Variants in PCDHGA3 observed in about 807,000 individuals in gnomAD.
PCDHGA3 encodes the protein protocadherin gamma subfamily A, 3, also known as protocadherin gamma-A3.
Under a neutral mutation model 58.5 loss-of-function variants are expected in PCDHGA3, and 40 were observed. The ratio of observed to expected loss-of-function variants is 0.68; its 90% CI spans 0.53 to 0.89. PCDHGA3 has a LOEUF of 0.89. Among genes scored for constraint, PCDHGA3 ranks in the 40% least tolerant of loss-of-function variants. The pLI is 0.00. For missense variants in PCDHGA3, 1,223 were observed against 1,195.9 expected (o/e 1.02, Z -0.33); for synonymous variants, 530 against 525.7 (o/e 1.01, Z -0.11).
Position 141,346,129 on chromosome 5 carries a change from C to T in PCDHGA3, c.2096C>T (p.Ala699Val). 6.2e-7 allele frequency: 1 copy of T among 1,613,938 alleles called. No homozygotes were observed. Among genetic ancestry groups the T allele is most frequent in the Non-Finnish European group, 8.5e-7 (1 of 1,179,906 alleles). ...LTLYLVVAVA[A>V]VSCVFLAFVI... ...CTGTACCTGGTGGTGGCGGTGGCCG[C>T]GGTCTCCTGCGTCTTCCTGGCCTTC... Residue 699 changes from alanine to valine, a missense_variant, in exon 1 of 4, where the codon GCG (alanine) becomes GTG (valine). By Grantham distance (64) the Ala-to-Val change is moderately conservative. This residue lies in a region of PCDHGA3 where 325 missense variants were observed against 327.5 expected (regional missense o/e 0.99). Coordinates refer to ENST00000253812, the MANE Select transcript of PCDHGA3 (RefSeq NM_018916.4).
intron 1 of PCDHGA3, chr5:141,415,069 A>G (rs1323441877): frequency 1.1e-5 from 18 of 1,613,420 alleles, no homozygotes; most frequent in Non-Finnish European, 1.5e-5. Flanking sequence ...CGAGGTGCGC[A>G]CGGCGCGAGC....
In PCDHGA3 at chr5:141,431,243, A is replaced by G; in HGVS notation, c.2425-63564A>G. 1 of 1,614,154 alleles carries G rather than the reference A, an allele frequency of 6.2e-7. No homozygotes were observed. Among genetic ancestry groups the G allele is most frequent in the Non-Finnish European group, 8.5e-7 (1 of 1,180,034 alleles). ...TCTACCCCACGCCTGGGATCCGGAT[A>G]TCGGGAAGAACTCTCTGCAGAGCTA... On this transcript the variant is annotated intron_variant, in intron 1 of 3. Coordinates refer to ENST00000253812, the MANE Select transcript of PCDHGA3 (RefSeq NM_018916.4). This position sits in a 1 kb window ranked among gnomAD's most constrained non-coding sequence, Gnocchi z 4.8.
rs1446432461 is a variant in PCDHGA3, at chr5:141,511,005, C to G, written c.2631C>G (p.Ala877=). 6.2e-7 allele frequency: 1 copy of G among 1,614,176 alleles called. No individual in the cohort carries two copies. Among genetic ancestry groups the G allele is most frequent in the Middle Eastern group, 1.6e-4 (1 of 6,062 alleles). ...GGGAGTMGLS[A]RYGPQFTLQH... is the part of the protein sequence containing the mutation. ...GTGCCGGCACCATGGGATTGAGCGC[C>G]CGCTACGGACCCCAGTTCACCCTGC... Residue 877 remains alanine, a synonymous_variant, in exon 4 of 4, where the codon GCC becomes GCG. Coordinates refer to ENST00000253812, the MANE Select transcript of PCDHGA3 (RefSeq NM_018916.4).
chr5:141,389,530 T>C (rs963241883), intron 1 of PCDHGA3: 1 of 1,613,208 alleles, frequency 6.2e-7, no homozygotes, highest in African/African-American at 1.3e-5. Context: ...CTGCGCGTGT[T>C]AGTGGACGAC....
At chr5:141,450,006 C>CTTTTTTT (rs1554136305) in intron 1 of PCDHGA3, among the ~76,000 whole-genome samples, 1 of 132,982 alleles carries the variant, frequency 7.5e-6, no homozygotes, top group Admixed American at 7.8e-5. Context: ...TGCCATGTCT[C>CTTTTTTT]TTTTTTTTTT....
chr5:141,448,122 C>A (rs1315243727), intron 1 of PCDHGA3, among the ~76,000 whole-genome samples: 1 of 151,820 alleles, frequency 6.6e-6, no homozygotes, highest in Non-Finnish European at 1.5e-5. Context: ...AAATTAGCCT[C>A]CCCCACCCTC....
chr5:141,381,965 G>C (rs571350764), intron 1 of PCDHGA3, among the ~76,000 whole-genome samples: 96 of 151,186 alleles, frequency 6.3e-4, no homozygotes, highest in African/African-American at 2.2e-3. Flanking sequence ...GAGTAGCTGG[G>C]ATTACAGGCG....
intron 1 of PCDHGA3, among the ~76,000 whole-genome samples, chr5:141,483,302 C>G (rs1262756268): frequency 2.0e-5 from 3 of 152,012 alleles, no homozygotes; most frequent in Admixed American, 6.5e-5. Context: ...AGTGAAGGGA[C>G]TGGGGACATT....
At chr5:141,409,063 C>A (rs988950366) in intron 1 of PCDHGA3, 2 of 1,613,860 alleles carry the variant, frequency 1.2e-6, no homozygotes, top group African/African-American at 2.7e-5. Flanking sequence ...CTGCCCAGAG[C>A]ACAAAACATA....
At chr5:141,420,077 C>A (rs760626443) in intron 1 of PCDHGA3, 1 of 1,613,900 alleles carries the variant, frequency 6.2e-7, no homozygotes, top group Non-Finnish European at 8.5e-7. Context: ...ACCTGTGGGT[C>A]CCCCCAACTA....
chr5:141,379,709 C>G (rs1200100284), intron 1 of PCDHGA3: 1 of 152,094 alleles, frequency 6.6e-6, no homozygotes, highest in Non-Finnish European at 1.5e-5. Context: ...AACATCCTGG[C>G]AGTCATGGAA....
At chr5:141,409,039 C>A (rs2095214342) in intron 1 of PCDHGA3, 1 of 1,614,004 alleles carries the variant, frequency 6.2e-7, no homozygotes, top group Non-Finnish European at 8.5e-7. Flanking sequence ...AGATAAACTA[C>A]TACTTCCGAA....
chr5:141,345,872 G>C lies in PCDHGA3; in HGVS notation c.1839G>C (p.Glu613Asp). ...CCTACCGCCTGCTCAAGGCCAGCGA[G>C]CCGGGACTCTTCTCGGTGGGTCTGC... ...WLSYRLLKASEPGLFSVGLHT... is the reference protein window; with the variant it reads ...WLSYRLLKASDPGLFSVGLHT... The change falls in exon 1 of 4, where the codon GAG (glutamate) becomes GAC (aspartate). Residue 613 changes from glutamate to aspartate, a missense_variant. Glu to Asp is a conservative substitution (Grantham distance 45, BLOSUM62 2). Transcript: ENST00000253812. The C allele has an allele frequency of 6.2e-7, 1 of 1,613,472 alleles. No homozygotes were observed. The highest frequency in any genetic ancestry group is 8.5e-7 in the Non-Finnish European group (1 of 1,179,910).
Position 141,344,248 on chromosome 5 carries a change from C to A in PCDHGA3, c.215C>A (p.Thr72Lys), listed in dbSNP as rs1355715841. 2.5e-6 allele frequency: 4 copies of A among 1,614,022 alleles called. No homozygotes were observed. Among genetic ancestry groups the A allele is most frequent in the Non-Finnish European group, 3.4e-6 (4 of 1,179,894 alleles). The change falls in exon 1 of 4, where the codon ACG becomes AAG. Residue 72 changes from threonine to lysine, a missense_variant. This residue lies in a region of PCDHGA3 where 791 missense variants were observed against 708.5 expected (regional missense o/e 1.12). Coordinates refer to ENST00000253812, the MANE Select transcript of PCDHGA3 (RefSeq NM_018916.4). ...RGVRIVSRGR[T>K]QLFSLNPQSG... ...GTCCGCATCGTCTCCAGAGGTAGGA[C>A]GCAGCTTTTCTCTCTGAATCCGCAA...
intron 1 of PCDHGA3, chr5:141,375,215 C>T: frequency 1.2e-6 from 2 of 1,614,004 alleles, no homozygotes; most frequent in Non-Finnish European, 1.7e-6. Flanking sequence ...AGACTCTGGC[C>T]TGAATGGCCT....
At chr5:141,350,954 G>A (rs755992665) in intron 1 of PCDHGA3, 4 of 1,614,094 alleles carry the variant, frequency 2.5e-6, no homozygotes, top group Non-Finnish European at 3.4e-6. Flanking sequence ...AGTTACGGAT[G>A]CCAATGATAA....
At chr5:141,418,393 C>A in intron 1 of PCDHGA3, 1 of 1,613,984 alleles carries the variant, frequency 6.2e-7, no homozygotes, top group Non-Finnish European at 8.5e-7. Context: ...ACGAGTATTT[C>A]TCATTGGTGG....
intron 1 of PCDHGA3, chr5:141,350,276 G>A: frequency 6.6e-7 from 1 of 1,512,286 alleles, no homozygotes. Flanking sequence ...GAGAGCCAGA[G>A]AAGCCGAAAT....
At chr5:141,484,047 TC>T (rs1351554084) in intron 1 of PCDHGA3, among the ~76,000 whole-genome samples, 1 of 151,912 alleles carries the variant, frequency 6.6e-6, no homozygotes, top group African/African-American at 2.4e-5. Context: ...CTCCAAGAGG[TC>T]CCCTGGGGCT....
Sources: gnomAD v4.1 joint callset for allele counts (sites outside exome capture counted in the v4.1 genomes callset) on GRCh38, gnomAD v4.1.1 for gene constraint, gnomAD v4.1.1 regional missense constraint, Gnocchi (gnomAD v3.1) non-coding constraint, MANE v1.5 for transcripts, NCBI Gene and HGNC (gene_info 2026-07-23, HGNC 2026-07-21) for gene names.